The following EPN2 variants were observed in gnomAD, a reference collection of about 807,000 sequenced individuals.
EPN2 encodes epsin 2.
A neutral mutation model predicts 61.7 loss-of-function variants in EPN2; 34 were observed. That is an observed-to-expected ratio of 0.55 (90% CI 0.42 to 0.73). The LOEUF (loss-of-function observed/expected upper bound fraction) is 0.73. EPN2 is among the 30% of genes least tolerant of loss of function. The probability of loss-of-function intolerance (pLI) is 0.00; values close to 1 mark genes in which losing one functional copy is unlikely to be tolerated. For missense variants in EPN2, 714 were observed against 839.2 expected (o/e 0.85, Z 1.84); for synonymous variants, 349 against 353.6 (o/e 0.99, Z 0.15).
intron 1 of EPN2, among the ~76,000 whole-genome samples, chr17:19,246,400 C>A (rs1271692977): frequency 1.3e-5 from 2 of 152,122 alleles, no homozygotes; most frequent in Non-Finnish European, 2.9e-5. Flanking sequence ...TGTCCTTCCC[C>A]AGTAGGCAAT....
At chr17:19,326,786 G>A (rs1302909752) in intron 7 of EPN2, among the ~76,000 whole-genome samples, 1 of 151,982 alleles carries the variant, frequency 6.6e-6, no homozygotes, top group Admixed American at 6.6e-5. Context: ...AGGAGGCCCT[G>A]CATACCATGC....
intron 1 of EPN2, among the ~76,000 whole-genome samples, chr17:19,253,113 C>T (rs1237594360): frequency 6.6e-6 from 1 of 152,198 alleles, no homozygotes. Flanking sequence ...AATCCATACT[C>T]ATTAGGTAGT....
intron 4 of EPN2, among the ~76,000 whole-genome samples, chr17:19,293,594 C>T (rs2045486579): frequency 7.1e-6 from 1 of 140,916 alleles, no homozygotes; most frequent in African/African-American, 2.7e-5. Flanking sequence ...GGTTTTGCCA[C>T]GTTGCCCAGG....
In EPN2 at chr17:19,335,576, T is replaced by G; in HGVS notation, c.*1322T>G. 5.4e-4 allele frequency: 499 copies of G among 927,234 alleles called. No individual in the cohort carries two copies. The highest frequency in any genetic ancestry group is 2.6e-3 in the East Asian group (54 of 21,140). 57.4% of individuals were successfully genotyped at this position (927,234 alleles called of 1,614,324 possible). ...GGGCGTGGGGTGGGGGGTGCTTCTG[T>G]GCCCACGGGTCCCTGGGCAACAGTC... On this transcript the variant is annotated 3_prime_UTR_variant, in exon 11 of 11. Transcript: ENST00000314728.
intron 4 of EPN2, chr17:19,307,798 C>A: frequency 1.7e-6 from 1 of 585,858 alleles, no homozygotes; most frequent in Non-Finnish European, 2.1e-6. Context: ...CCTCTTTCTA[C>A]CTCCCCTGGT....
chr17:19,264,243 G>A (rs1463807690), intron 1 of EPN2, among the ~76,000 whole-genome samples: 1 of 152,164 alleles, frequency 6.6e-6, no homozygotes, highest in African/African-American at 2.4e-5. Flanking sequence ...AATCTTTTAG[G>A]AATTATAAAA....
intron 1 of EPN2, among the ~76,000 whole-genome samples, chr17:19,264,273 C>T (rs1181428599): frequency 6.6e-6 from 1 of 152,174 alleles, no homozygotes; most frequent in African/African-American, 2.4e-5. Flanking sequence ...TTTGCGAACT[C>T]CAGTTTGTTT....
intron 7 of EPN2, among the ~76,000 whole-genome samples, chr17:19,316,571 T>G (rs150815385): frequency 9.1e-4 from 138 of 152,372 alleles, no homozygotes; most frequent in African/African-American, 2.6e-3. Flanking sequence ...TATGGAGAGA[T>G]AGCCACTGTT....
Position 19,283,706 on chromosome 17 carries a change from A to G in EPN2, c.587A>G (p.Tyr196Cys), listed in dbSNP as rs2045379697. The G allele has an allele frequency of 3.8e-6, 6 of 1,585,400 alleles. No homozygotes were observed. Among genetic ancestry groups the G allele is most frequent in the Non-Finnish European group, 5.1e-6 (6 of 1,166,664 alleles). The change falls in exon 3 of 11, where the codon TAC (tyrosine) becomes TGC (cysteine). Residue 196 changes from tyrosine to cysteine, a missense_variant. Transcript: ENST00000314728. The surrounding 1 kb of genome is among the most constrained non-coding windows in gnomAD (Gnocchi z 7.0). ...AAGGCCGGGGGCTCCCCGGCCTCCT[A>G]CCATGGCTGTGAGTAATGGAAGTGC... ...YGKAGGSPAS[Y>C]HGSPEASLCP...
chr17:19,280,354 G>A (rs868638383), intron 1 of EPN2, among the ~76,000 whole-genome samples: 4 of 152,188 alleles, frequency 2.6e-5, no homozygotes, highest in South Asian at 2.1e-4. Context: ...AAATTAAAGT[G>A]TTCTTTTTCT....
intron 1 of EPN2, among the ~76,000 whole-genome samples, chr17:19,263,436 G>C (rs769232067): frequency 1.4e-4 from 22 of 152,156 alleles, no homozygotes; most frequent in Non-Finnish European, 2.5e-4. Context: ...CTTGAAAGCT[G>C]GTTGGTGGAA....
chr17:19,326,686 C>CAAAAAAAAAAA lies in EPN2; in HGVS notation c.1148-2015_1148-2005dup, dbSNP rs36161060. ...TGGGTGACAGAGCGAGACTCCGTCT[C>CAAAAAAAAAAA]AAAAAAAAAAAAAAAAAAAAGTGCA... On this transcript the variant is annotated intron_variant, in intron 7 of 10. Coordinates refer to ENST00000314728, the MANE Select transcript of EPN2 (RefSeq NM_014964.5). Among the ~76,000 whole-genome samples, 3 of 76,842 alleles carry CAAAAAAAAAAA rather than the reference C, an allele frequency of 3.9e-5. 1 individual carries two copies. Among genetic ancestry groups the CAAAAAAAAAAA allele is most frequent in the African/African-American group, 1.1e-4 (2 of 17,596 alleles). The allele number at this position is 76,842 out of a possible 152,430, so 50.4% of individuals were successfully genotyped here.
chr17:19,332,466 G>A (rs1161809393), intron 10 of EPN2, among the ~76,000 whole-genome samples: 1 of 152,128 alleles, frequency 6.6e-6, no homozygotes, highest in Non-Finnish European at 1.5e-5. Flanking sequence ...CTTAGCCCTT[G>A]GGTACAAGCC....
chr17:19,267,558 A>G (rs973945638), intron 1 of EPN2, among the ~76,000 whole-genome samples: 1 of 151,588 alleles, frequency 6.6e-6, no homozygotes, highest in African/African-American at 2.4e-5. Flanking sequence ...TTTTTTTTAA[A>G]AAAAGACAGA....
chr17:19,256,012 A>T (rs541304248), intron 1 of EPN2, among the ~76,000 whole-genome samples: 1 of 151,928 alleles, frequency 6.6e-6, no homozygotes, highest in African/African-American at 2.4e-5. Context: ...ATCTCAGCTC[A>T]CTGCAAGCTC....
chr17:19,306,238 C>T (rs1905836214), intron 4 of EPN2: 1 of 152,288 alleles, frequency 6.6e-6, no homozygotes. Context: ...AGGGCCCATT[C>T]AGGCCTGTCT....
At chr17:19,277,198 C>T (rs1402024488) in intron 1 of EPN2, among the ~76,000 whole-genome samples, 1 of 151,900 alleles carries the variant, frequency 6.6e-6, no homozygotes, top group African/African-American at 2.4e-5. Context: ...GTCAGGAGTC[C>T]GAGACCAGCC....
intron 1 of EPN2, among the ~76,000 whole-genome samples, chr17:19,245,945 G>T (rs953072963): frequency 6.6e-6 from 1 of 152,056 alleles, no homozygotes; most frequent in Non-Finnish European, 1.5e-5. Flanking sequence ...GATTACAGGC[G>T]TGAGCCACCA....
At chr17:19,292,313 G>A (rs2045473380) in intron 4 of EPN2, among the ~76,000 whole-genome samples, 1 of 152,222 alleles carries the variant, frequency 6.6e-6, no homozygotes, top group African/African-American at 2.4e-5. Flanking sequence ...GTCAGGCCAG[G>A]GATAGCTACC....
Sources: allele counts gnomAD v4.1 joint callset (sites outside exome capture counted in the v4.1 genomes callset), GRCh38; gene constraint gnomAD v4.1.1; non-coding constraint Gnocchi (gnomAD v3.1); transcripts MANE v1.5; gene names NCBI Gene and HGNC (gene_info 2026-07-23, HGNC 2026-07-21).